SYCE1L: variants seen among roughly 807,000 people sequenced by gnomAD.
The protein encoded by SYCE1L is synaptonemal complex central element protein 1 like, also known as synaptonemal complex central element protein 1-like.
Under a neutral mutation model 39.6 loss-of-function variants are expected in SYCE1L, and 51 were observed. The observed-to-expected ratio is 1.29, with a 90% CI of 1.03 to 1.63. The LOEUF is 1.63. Ranked by LOEUF, SYCE1L falls within the 40% of genes most tolerant of loss-of-function variation. The pLI is 0.00. For synonymous variants in SYCE1L, 147 were observed against 122.4 expected (o/e 1.20, Z -1.33); for missense variants, 426 against 304.9 (o/e 1.40, Z -2.96).
chr16:77,210,453 A>C (rs1444204479), intron 6 of SYCE1L, among the ~76,000 whole-genome samples: 1 of 152,146 alleles, frequency 6.6e-6, no homozygotes, highest in African/African-American at 2.4e-5. Context: ...ATACTCAACC[A>C]CACTACTCAC....
At chr16:77,202,557 C>T (rs1331713592) in intron 1 of SYCE1L, among the ~76,000 whole-genome samples, 3 of 152,136 alleles carry the variant, frequency 2.0e-5, no homozygotes, top group Non-Finnish European at 4.4e-5. Context: ...GATGGAGCTT[C>T]TGCAGAAATG....
intron 6 of SYCE1L, among the ~76,000 whole-genome samples, chr16:77,209,944 A>G (rs536032646): frequency 7.9e-5 from 12 of 152,130 alleles, no homozygotes; most frequent in African/African-American, 2.4e-4. Context: ...CATCCATCCA[A>G]TCATGCATTC....
At position 77,208,260 on chromosome 16, in the gene SYCE1L, C is replaced by G. The variant is rs1189637102; in HGVS notation, c.172C>G (p.Leu58Val). ...GGACCTGATTAGCCGGATTAATGAT[C>G]TTCAGCAAGGTAAACTTGGGGACTT... ...IEDLISRIND[L>V]QQAKKKSSEE... The change falls in exon 3 of 11, where the codon CTT (leucine) becomes GTT (valine). Residue 58 changes from leucine (L) to valine (V), a missense_variant. Transcript: ENST00000378644. The G allele has an allele frequency of 4.5e-6, 7 of 1,551,568 alleles. No homozygotes were observed. The highest frequency in any genetic ancestry group is 6.1e-6 in the Non-Finnish European group (7 of 1,147,010).
intron 1 of SYCE1L, chr16:77,201,242 CA>C (rs2054739206): frequency 1.3e-5 from 2 of 152,150 alleles, no homozygotes; most frequent in Non-Finnish European, 2.9e-5. Flanking sequence ...CAGCATTCAA[CA>C]AAAGACAGAC....
intron 10 of SYCE1L, 102 bp from the exon 11 acceptor site, chr16:77,212,755 G>A (rs1473991597): frequency 4.9e-6 from 7 of 1,420,364 alleles, no homozygotes; most frequent in Non-Finnish European, 6.4e-6. Flanking sequence ...GGAGCAGGGC[G>A]GCCCCGGGGA....
intron 2 of SYCE1L, among the ~76,000 whole-genome samples, chr16:77,206,858 C>T (rs2054789211): frequency 1.3e-5 from 2 of 152,112 alleles, no homozygotes; most frequent in South Asian, 4.1e-4. Context: ...TTTTTACACA[C>T]AAATGGAAAT....
At chr16:77,206,396 T>A in intron 1 of SYCE1L, 45 bp from the exon 2 acceptor site, 1 of 1,531,472 alleles carries the variant, frequency 6.5e-7, no homozygotes, top group Non-Finnish European at 8.8e-7. Context: ...CTCTCTCCCC[T>A]CTCACTCTCG....
intron 1 of SYCE1L, among the ~76,000 whole-genome samples, chr16:77,204,418 C>T (rs1301980182): frequency 6.6e-6 from 1 of 152,130 alleles, no homozygotes; most frequent in African/African-American, 2.4e-5. Context: ...AATTCAATGG[C>T]TGGTGTCCTT....
intron 5 of SYCE1L, 113 bp from the exon 6 acceptor site, chr16:77,209,304 C>T (rs977181173): frequency 1.1e-5 from 15 of 1,356,374 alleles, no homozygotes; most frequent in South Asian, 2.5e-5. Flanking sequence ...GGAGTAAACA[C>T]CCAAGTCCTC....
rs527722521 is a variant in SYCE1L, at chr16:77,204,114, G to T, written c.62-2327G>T. On this transcript the variant is annotated intron_variant, in intron 1 of 10. Transcript: ENST00000378644. ...GATTAAAAACATACTTGCCTGGTAA[G>T]AGTATGATTTTGGGGCCTGAGACAG... is the stretch of plus-strand genomic sequence containing the variant. Among the ~76,000 whole-genome samples, 6 of 152,126 alleles carry T rather than the reference G, an allele frequency of 3.9e-5. No individual in the cohort carries two copies. In the South Asian group the frequency reaches 1.2e-3, roughly 32 times the overall value.
chr16:77,212,895 T>A lies in SYCE1L; in HGVS notation c.693T>A (p.Asp231Glu). The part of the protein sequence containing the change: ...PELPRARDEE[D>E]PEPPVAAPDA... ...TCCCCCGCGCTCGCGACGAGGAGGATCCCGAGCCGCCGGTGGCTGCCCCTG... is the reference window on the plus strand; with the variant it reads ...TCCCCCGCGCTCGCGACGAGGAGGAACCCGAGCCGCCGGTGGCTGCCCCTG... The change falls in exon 11 of 11, where the codon GAT (aspartate) becomes GAA (glutamate). Residue 231 changes from aspartate to glutamate, a missense_variant. Asp to Glu is a conservative substitution (Grantham distance 45, BLOSUM62 2). Transcript: ENST00000378644. 6.5e-7 allele frequency: 1 copy of A among 1,528,120 alleles called. No homozygotes were observed. The highest frequency in any genetic ancestry group is 1.2e-5 in the South Asian group (1 of 82,526). The allele number at this position is 1,528,120 out of a possible 1,614,324, so 94.7% of individuals were successfully genotyped here.
chr16:77,206,384 T>A, intron 1 of SYCE1L, 57 bp from the exon 2 acceptor site: 1 of 1,499,268 alleles, frequency 6.7e-7, no homozygotes, highest in Non-Finnish European at 9.1e-7. Context: ...CCTGCCTCCC[T>A]TCTCTCTCCC....
chr16:77,203,317 A>G (rs1043127631), intron 1 of SYCE1L, among the ~76,000 whole-genome samples: 1 of 152,160 alleles, frequency 6.6e-6, no homozygotes. Context: ...TTATTCTTCC[A>G]CATTTGTTTA....
intron 5 of SYCE1L, 77 bp from the exon 6 acceptor site, chr16:77,209,340 A>T: frequency 6.8e-7 from 1 of 1,474,728 alleles, no homozygotes. Context: ...GCCTGACATG[A>T]TGTGGGGCCT....
intron 1 of SYCE1L, 100 bp from the exon 2 acceptor site, chr16:77,206,341 G>GCCCA (rs2054785518): frequency 9.8e-6 from 10 of 1,022,008 alleles, no homozygotes; most frequent in Non-Finnish European, 1.5e-5. Flanking sequence ...CTTAGCCCCA[G>GCCCA]CCCACGGGTG....
Position 77,200,291 on chromosome 16 carries a change from T to TATATATATATATATACAC in SYCE1L, c.61+780_61+781insTATATATATATATACACA. 7.6e-3 allele frequency: 847 copies of TATATATATATATATACAC among 111,284 alleles called. 33 individuals are homozygous for TATATATATATATATACAC. Among genetic ancestry groups the TATATATATATATATACAC allele is most frequent in the African/African-American group, 0.027 (806 of 29,636 alleles). The allele number at this position is 111,284 out of a possible 1,614,324, so 6.9% of individuals were successfully genotyped here. ...ATATATGTGTATATATATATATATA[T>TATATATATATATATACAC]ACACACACTAATCAGCCGGGCGCGG... On this transcript the variant is annotated intron_variant, in intron 1 of 10. Coordinates refer to ENST00000378644, the MANE Select transcript of SYCE1L (RefSeq NM_001129979.3).
At chr16:77,212,056 G>A in intron 7 of SYCE1L, 74 bp from the exon 8 acceptor site, 1 of 1,467,540 alleles carries the variant, frequency 6.8e-7, no homozygotes. Flanking sequence ...TTCGCGAGAA[G>A]CACAAAAGGG....
chr16:77,202,684 T>G (rs1244902363), intron 1 of SYCE1L, among the ~76,000 whole-genome samples: 1 of 152,170 alleles, frequency 6.6e-6, no homozygotes, highest in Admixed American at 6.5e-5. Context: ...ATTATAGGAT[T>G]GGGGTCAGCT....
Position 77,206,429 on chromosome 16 carries a change from T to C in SYCE1L, c.62-12T>C. ...TCGCTGTGTCCTGTAATTTTGATTT[T>C]CCTTTCTACAGGGCAAGCCAAGTCT... On this transcript the variant is annotated splice_polypyrimidine_tract_variant and intron_variant, in intron 1 of 10. Coordinates refer to ENST00000378644, the MANE Select transcript of SYCE1L (RefSeq NM_001129979.3). 6.4e-7 allele frequency: 1 copy of C among 1,551,314 alleles called. No homozygotes were observed. The highest frequency in any genetic ancestry group is 8.7e-7 in the Non-Finnish European group (1 of 1,146,868).
Sources: allele counts gnomAD v4.1 joint callset (sites outside exome capture counted in the v4.1 genomes callset), GRCh38; gene constraint gnomAD v4.1.1; transcripts MANE v1.5; gene names NCBI Gene and HGNC (gene_info 2026-07-23, HGNC 2026-07-21).